Variants in MGAT4C observed in about 807,000 individuals in gnomAD.
The protein encoded by MGAT4C is alpha-1,3-mannosyl-glycoprotein 4-beta-N-acetylglucosaminyltransferase C.
MGAT4C carries 19 observed loss-of-function variants against 40.1 expected under a neutral mutation model. That is an observed-to-expected ratio of 0.47 (90% CI 0.33 to 0.70). The LOEUF (loss-of-function observed/expected upper bound fraction) is 0.70, where lower values mean the gene tolerates loss of function less well. Ranked by LOEUF, MGAT4C falls within the 30% of genes least tolerant of loss-of-function variation. The pLI is 0.02. For missense variants in MGAT4C, 491 were observed against 563.2 expected (o/e 0.87, Z 1.30); for synonymous variants, 181 against 187.1 (o/e 0.97, Z 0.27).
At chr12:86,816,425 A>G (rs778579467) in intron 1 of MGAT4C, among the ~76,000 whole-genome samples, 12 of 151,776 alleles carry the variant, frequency 7.9e-5, no homozygotes, top group Non-Finnish European at 1.6e-4. Flanking sequence ...ACTTTTGTGT[A>G]TACATTGCTG....
intron 1 of MGAT4C, among the ~76,000 whole-genome samples, chr12:86,252,576 T>C (rs576612030): frequency 1.3e-5 from 2 of 152,056 alleles, no homozygotes; most frequent in South Asian, 4.1e-4. Flanking sequence ...TTTAGTGCCA[T>C]TGTCCTAGGA....
intron 1 of MGAT4C, among the ~76,000 whole-genome samples, chr12:86,728,209 C>G (rs1344442457): frequency 6.6e-6 from 1 of 152,110 alleles, no homozygotes; most frequent in Non-Finnish European, 1.5e-5. Flanking sequence ...ATTAATAACT[C>G]TTGTTATGAA....
intron 1 of MGAT4C, among the ~76,000 whole-genome samples, chr12:86,794,761 A>G (rs1347607017): frequency 1.8e-4 from 28 of 151,932 alleles, no homozygotes; most frequent in Admixed American, 1.8e-3. Flanking sequence ...TAATTAACTG[A>G]GTACAAACAG....
rs1308194133 is a variant in MGAT4C at position 86,012,778 on chromosome 12, A to AACAACAACCACC, written c.-6-23227_-6-23226insGGTGGTTGTTGT. Among the ~76,000 whole-genome samples the AACAACAACCACC allele has an allele frequency of 1.3e-3, 179 of 136,442 alleles. 1 individual carries two copies. Among genetic ancestry groups the AACAACAACCACC allele is most frequent in the African/African-American group, 4.6e-3 (169 of 36,546 alleles). The allele number at this position is 136,442 out of a possible 152,430, so 89.5% of individuals were successfully genotyped here. Reference sequence around the variant, plus strand: ...AAACAACAACAACAACAACAACAACAACCACCACCACCACCACCACCACCA... The same window carrying AACAACAACCACC: ...AAACAACAACAACAACAACAACAACAACAACAACCACCACCACCACCACCACCACCACCACCA... On this transcript the variant is annotated intron_variant, in intron 2 of 4. Coordinates refer to ENST00000611864, the MANE Select transcript of MGAT4C (RefSeq NM_001351288.2).
intron 3 of MGAT4C, among the ~76,000 whole-genome samples, chr12:86,380,660 C>A (rs943849330): frequency 4.6e-5 from 7 of 152,082 alleles, no homozygotes; most frequent in Non-Finnish European, 8.8e-5. Flanking sequence ...TGTATCATTT[C>A]ATTTAGTCTT....
chr12:86,645,876 T>A (rs1055807048), intron 2 of MGAT4C, among the ~76,000 whole-genome samples: 1 of 151,822 alleles, frequency 6.6e-6, no homozygotes, highest in African/African-American at 2.4e-5. Context: ...CTTAACATGC[T>A]CCTTGGCACT....
At chr12:86,099,384 TTG>T (rs1491587076) in intron 1 of MGAT4C, among the ~76,000 whole-genome samples, 1 of 95,320 alleles carries the variant, frequency 1.0e-5, no homozygotes, top group Non-Finnish European at 2.3e-5. Context: ...TTTCTTTCTT[TTG>T]GGGGGGGGCA....
intron 1 of MGAT4C, among the ~76,000 whole-genome samples, chr12:86,782,171 ATTTTTTTTTTT>A (rs57791582): frequency 6.5e-4 from 26 of 40,292 alleles, no homozygotes; most frequent in Non-Finnish European, 8.4e-4. Flanking sequence ...TGTTTTTTGT[ATTTTTTTTTTT>A]TTTTTTTTTT....
At chr12:86,135,525 T>C (rs1346449424) in intron 1 of MGAT4C, among the ~76,000 whole-genome samples, 1 of 152,148 alleles carries the variant, frequency 6.6e-6, no homozygotes, top group East Asian at 1.9e-4. Context: ...GAGGTTGTAT[T>C]ACTTAAAAAA....
chr12:86,075,487 G>A (rs1426880936), intron 1 of MGAT4C, among the ~76,000 whole-genome samples: 1 of 152,148 alleles, frequency 6.6e-6, no homozygotes, highest in African/African-American at 2.4e-5. Flanking sequence ...ACCATTCTGG[G>A]GTCTGGAAGA....
intron 2 of MGAT4C, among the ~76,000 whole-genome samples, chr12:86,449,707 T>A (rs1957393228): frequency 6.6e-6 from 1 of 152,184 alleles, no homozygotes; most frequent in African/African-American, 2.4e-5. Flanking sequence ...TTGGAGAATA[T>A]TCTATGTATA....
chr12:86,661,107 TC>T (rs1254467316), intron 2 of MGAT4C, among the ~76,000 whole-genome samples: 2 of 152,008 alleles, frequency 1.3e-5, no homozygotes, highest in Non-Finnish European at 2.9e-5. Flanking sequence ...ACCTACAGTC[TC>T]CCCTTGATAG....
intron 4 of MGAT4C, among the ~76,000 whole-genome samples, chr12:86,269,748 A>AT (rs1952894644): frequency 6.6e-6 from 1 of 152,096 alleles, no homozygotes; most frequent in Non-Finnish European, 1.5e-5. Flanking sequence ...ATATTATGAG[A>AT]TTTAGACTAT....
chr12:86,068,887 G>C (rs1440709773), intron 1 of MGAT4C, among the ~76,000 whole-genome samples: 1 of 152,006 alleles, frequency 6.6e-6, no homozygotes, highest in Non-Finnish European at 1.5e-5. Context: ...TCTTTGAAAG[G>C]GTGTGGCCTT....
intron 3 of MGAT4C, among the ~76,000 whole-genome samples, chr12:86,359,420 G>C (rs932552216): frequency 2.0e-5 from 3 of 151,946 alleles, no homozygotes; most frequent in Admixed American, 6.6e-5. Context: ...AAAAGAACTA[G>C]AGAAGCAAGA....
chr12:86,376,818 CAGAG>C lies in MGAT4C; in HGVS notation c.-119-42695_-119-42692del, dbSNP rs34852259. On this transcript the variant is annotated intron_variant, in intron 3 of 7. Coordinates refer to the MGAT4C transcript ENST00000548651. ...AGAGAGAGAGACAGAGAGAGAGAGA[CAGAG>C]AGAGAGAGAGAGAGAGAGAGACAGA... is the stretch of plus-strand genomic sequence containing the variant. Among the ~76,000 whole-genome samples the C allele has an allele frequency of 3.2e-3, 394 of 124,998 alleles. 3 individuals are homozygous for C. The highest frequency in any genetic ancestry group is 4.1e-3 in the South Asian group (15 of 3,662). The allele number at this position is 124,998 out of a possible 152,430, so 82.0% of individuals were successfully genotyped here.
intron 1 of MGAT4C, among the ~76,000 whole-genome samples, chr12:86,820,094 C>T (rs1009258671): frequency 6.7e-6 from 1 of 150,238 alleles, no homozygotes; most frequent in African/African-American, 2.4e-5. Context: ...AATAAAGATG[C>T]CTTTAATCTG....
In MGAT4C at chr12:86,233,951, T is replaced by C. The variant is rs1157960379; in HGVS notation, c.-57+22288A>G. On this transcript the variant is annotated intron_variant, in intron 1 of 4. Coordinates refer to ENST00000611864, the MANE Select transcript of MGAT4C (RefSeq NM_001351288.2). ...ATACAAGCTTATAATATGTATTATG[T>C]AATGGATTAATTAAATGTTCTTATA... is the stretch of plus-strand genomic sequence containing the variant. Among the ~76,000 whole-genome samples the C allele has an allele frequency of 2.6e-5, 4 of 152,178 alleles. No individual in the cohort carries two copies. The East Asian group carries it at 7.7e-4, about 29-fold the overall frequency.
intron 1 of MGAT4C, among the ~76,000 whole-genome samples, chr12:86,137,363 T>C (rs1882121158): frequency 6.6e-6 from 1 of 152,180 alleles, no homozygotes. Context: ...CAGCTTCCCA[T>C]ATATTTTCCT....
Sources: gnomAD v4.1 joint callset for allele counts (sites outside exome capture counted in the v4.1 genomes callset) on GRCh38, gnomAD v4.1.1 for gene constraint, MANE v1.5 for transcripts, NCBI Gene and HGNC (gene_info 2026-07-23, HGNC 2026-07-21) for gene names.